The following RTL9 variants were observed in gnomAD, a reference collection of about 807,000 sequenced individuals.
RTL9 encodes retrotransposon Gag-like protein 9.
A neutral mutation model predicts 44.7 loss-of-function variants in RTL9; 19 were observed. That is an observed-to-expected ratio of 0.42 (90% confidence interval 0.30 to 0.62). RTL9 has a LOEUF of 0.62. RTL9 is among the 20% of genes least tolerant of loss of function. The pLI, the probability that RTL9 is intolerant of heterozygous loss-of-function variation, is 0.16. For missense variants in RTL9, 1,105 were observed against 1,080.6 expected (o/e 1.02, Z -0.32); for synonymous variants, 407 against 398.9 (o/e 1.02, Z -0.24).
At chrX:110,420,483 G>A (rs192974753) in intron 1 of RTL9, among the ~76,000 whole-genome samples, 14 of 112,236 alleles carry the variant, frequency 1.2e-4, no homozygotes, top group African/African-American at 3.9e-4. Context: ...GGTACAAGAA[G>A]GACTAGCTCT....
intron 1 of RTL9, among the ~76,000 whole-genome samples, chrX:110,383,902 A>T (rs746190832): frequency 8.9e-5 from 10 of 112,118 alleles, no homozygotes; most frequent in African/African-American, 3.2e-4. Flanking sequence ...TCTGCCACTT[A>T]TAAGCTATGT....
intron 1 of RTL9, among the ~76,000 whole-genome samples, chrX:110,442,213 C>G (rs769768764): frequency 3.1e-5 from 3 of 97,276 alleles, no homozygotes; most frequent in South Asian, 4.8e-4. Context: ...GAATTTGGAT[C>G]GAAGTCTTTC....
At chrX:110,437,719 G>A (rs2068849416) in intron 1 of RTL9, among the ~76,000 whole-genome samples, 1 of 111,591 alleles carries the variant, frequency 9.0e-6, no homozygotes, top group African/African-American at 3.3e-5. Flanking sequence ...AGGGTGGGAA[G>A]GGGGTCTCAA....
Position 110,368,016 on chromosome X carries a change from A to G in RTL9, c.-168+9100A>G, listed in dbSNP as rs985540730. 1.4e-4 allele frequency among the ~76,000 whole-genome samples: 14 copies of G among 101,077 alleles called. No individual in the cohort carries two copies. In the East Asian group the frequency reaches 3.9e-3, roughly 28 times the overall value. 87.8% of individuals were successfully genotyped at this position (101,077 alleles called of 115,157 possible). On this transcript the variant is annotated intron_variant, in intron 1 of 2. Coordinates refer to the RTL9 transcript ENST00000520821. ...TATTATTATTATTATTATTATTATT[A>G]TTTTGTAGAAACAGATGTCTTGCTT...
intron 1 of RTL9, among the ~76,000 whole-genome samples, chrX:110,366,752 G>T (rs1209389924): frequency 1.8e-5 from 2 of 111,711 alleles, no homozygotes; most frequent in Non-Finnish European, 3.8e-5. Flanking sequence ...CCCAGCAGCC[G>T]AATGAGATTG....
At chrX:110,450,587 C>T in exon 1 of RTL9, 1 of 1,165,157 alleles carries the variant, frequency 8.6e-7, no homozygotes, top group Non-Finnish European at 1.2e-6. Flanking sequence ...CTCCTGGGCT[C>T]CCTCCACACT....
chrX:110,452,585 G>A (rs1265745730), exon 1 of RTL9: 3 of 1,208,943 alleles, frequency 2.5e-6, no homozygotes, highest in African/African-American at 3.5e-5. Flanking sequence ...TGTCCATGCC[G>A]CAAATGACAG....
chrX:110,405,231 G>A (rs2068593333), intron 1 of RTL9, among the ~76,000 whole-genome samples: 1 of 110,493 alleles, frequency 9.1e-6, no homozygotes, highest in African/African-American at 3.3e-5. Flanking sequence ...TTCTTGTGTT[G>A]TTATCCCTCA....
At chrX:110,400,789 T>C (rs1228181660) in intron 1 of RTL9, among the ~76,000 whole-genome samples, 1 of 111,707 alleles carries the variant, frequency 9.0e-6, no homozygotes, top group Non-Finnish European at 1.9e-5. Context: ...CCCACTTGAA[T>C]GTGAGCCCCT....
chrX:110,381,369 G>A (rs754250813), intron 1 of RTL9, among the ~76,000 whole-genome samples: 5 of 111,772 alleles, frequency 4.5e-5, no homozygotes, highest in Non-Finnish European at 9.4e-5. Flanking sequence ...CAAAACCACA[G>A]TGAGATACCA....
At chrX:110,386,405 T>C (rs1472881934) in intron 1 of RTL9, among the ~76,000 whole-genome samples, 1 of 110,826 alleles carries the variant, frequency 9.0e-6, no homozygotes, top group East Asian at 2.8e-4. Context: ...TAGTATCTCA[T>C]TGTGGTTTTG....
chrX:110,393,295 G>A (rs1308724851), intron 1 of RTL9, among the ~76,000 whole-genome samples: 1 of 112,022 alleles, frequency 8.9e-6, no homozygotes, highest in African/African-American at 3.2e-5. Flanking sequence ...TAGTTGTTAT[G>A]TAAAGTGCTT....
In RTL9 at chrX:110,451,482, C is replaced by T; in HGVS notation, c.865C>T (p.Gln289Ter). The T allele has an allele frequency of 8.3e-7, 1 of 1,211,850 alleles. No homozygotes were observed. Among genetic ancestry groups the T allele is most frequent in the Non-Finnish European group, 1.1e-6 (1 of 895,527 alleles). The change falls in exon 1 of 2, where the codon CAA becomes TAA. Residue 289 changes from glutamine to a stop codon, truncating the protein, a stop_gained. Coordinates refer to ENST00000540313, the Ensembl canonical transcript of RTL9. LOFTEE classifies it high-confidence loss of function. ...TACATCACCCCAGCCAACAAGCACC[C>T]AAAACTCTGGGGGAATACCTACCCC...
chrX:110,400,120 C>A (rs983000515), intron 1 of RTL9, among the ~76,000 whole-genome samples: 1 of 109,032 alleles, frequency 9.2e-6, no homozygotes, highest in Non-Finnish European at 1.9e-5. Flanking sequence ...TGAATAGATA[C>A]CCAAGTTTTG....
chrX:110,407,316 T>C (rs1294286996), intron 1 of RTL9, among the ~76,000 whole-genome samples: 1 of 112,173 alleles, frequency 8.9e-6, no homozygotes, highest in Non-Finnish European at 1.9e-5. Flanking sequence ...TTCTCACTGT[T>C]GGAACTTCAA....
rs140153992 is a variant in RTL9 at position 110,452,795 on chromosome X, A to T, written c.2178A>T (p.Gln726His). ...TGCTCAGTCAGCCAATGAGCACCCA[A>T]GATCCTGGAGGGATGTCCATGTCGC... Residue 726 changes from glutamine (Q) to histidine (H), a missense_variant, in exon 1 of 2, where the codon CAA becomes CAT. Coordinates refer to ENST00000540313, the Ensembl canonical transcript of RTL9. 5.0e-6 allele frequency: 6 copies of T among 1,210,127 alleles called. No homozygotes were observed. The African/African-American group carries it at 8.8e-5, about 18-fold the overall frequency.
intron 1 of RTL9, among the ~76,000 whole-genome samples, chrX:110,371,670 T>C (rs187429207): frequency 9.0e-6 from 1 of 111,437 alleles, no homozygotes; most frequent in African/African-American, 3.3e-5. Context: ...GCGTATTTAT[T>C]CTCCTGGCTC....
chrX:110,369,085 C>A (rs2068318369), intron 1 of RTL9, among the ~76,000 whole-genome samples: 1 of 112,137 alleles, frequency 8.9e-6, no homozygotes, highest in Non-Finnish European at 1.9e-5. Context: ...GTAATCCCAG[C>A]ACTTTGGGAG....
chrX:110,399,942 A>G (rs1412418549), intron 1 of RTL9, among the ~76,000 whole-genome samples: 4 of 111,972 alleles, frequency 3.6e-5, no homozygotes, highest in African/African-American at 1.3e-4. Flanking sequence ...ATGAGATACA[A>G]CATTTTAAAG....
Sources: gnomAD v4.1 joint callset for allele counts (sites outside exome capture counted in the v4.1 genomes callset) on GRCh38, gnomAD v4.1.1 for gene constraint, MANE v1.5 for transcripts, NCBI Gene and HGNC (gene_info 2026-07-23, HGNC 2026-07-21) for gene names.